Variants in LHX1 observed in about 807,000 individuals in gnomAD.
LHX1 encodes the protein LIM/homeobox protein Lhx1.
A neutral mutation model predicts 34.1 loss-of-function variants in LHX1; 9 were observed. The ratio of observed to expected loss-of-function variants is 0.26; its 90% CI spans 0.16 to 0.46. The LOEUF is 0.46. LHX1 is among the 20% of genes least tolerant of loss of function. The pLI, the probability that LHX1 is intolerant of heterozygous loss-of-function variation, is 1.00. For missense variants in LHX1, 446 were observed against 559.1 expected, an observed-to-expected ratio of 0.80 and a Z score of 2.04; for synonymous variants, 254 against 241.5, an observed-to-expected ratio of 1.05 and a Z score of -0.48.
In LHX1 at chr17:36,940,427, A is replaced by T. The variant is rs777925266; in HGVS notation, c.308A>T (p.Glu103Val). The change falls in exon 2 of 5, where the codon GAA (glutamate) becomes GTA (valine). Residue 103 changes from glutamate to valine, a missense_variant. By Grantham distance (121) the Glu-to-Val change is moderately radical (BLOSUM62 -2). Transcript: ENST00000614239. ...MCNKQLSTGE[E>V]LYIIDENKFV... is the part of the protein sequence containing the mutation. ...AACAAGCAGCTCTCCACTGGCGAGG[A>T]ACTCTACATCATCGACGAGAATAAG... is the stretch of plus-strand genomic sequence containing the variant. The T allele has an allele frequency of 6.2e-7, 1 of 1,614,168 alleles. No homozygotes were observed. Among genetic ancestry groups the T allele is most frequent in the Non-Finnish European group, 8.5e-7 (1 of 1,180,044 alleles).
chr17:36,940,924 C>A, intron 3 of LHX1, 37 bp downstream of exon 3: 1 of 1,549,284 alleles, frequency 6.5e-7, no homozygotes, highest in Non-Finnish European at 8.7e-7. Context: ...CCACAGAGGC[C>A]CACACTGCCA....
Position 36,943,174 on chromosome 17 carries a change from T to C in LHX1, c.*43T>C, listed in dbSNP as rs1393822554. ...TGCGGAGTTCGTGGTTGTACAGAAA[T>C]GAACCTTTATTTAAGAAAAATAGAA... On this transcript the variant is annotated 3_prime_UTR_variant, in exon 5 of 5. Transcript: ENST00000614239. 11 of 1,565,026 alleles carry C rather than the reference T, an allele frequency of 7.0e-6. No individual in the cohort carries two copies. Among genetic ancestry groups the C allele is most frequent in the East Asian group, 2.3e-5 (1 of 43,252 alleles).
Position 36,937,534 on chromosome 17 carries a change from T to C in LHX1, c.-664T>C. The C allele has an allele frequency of 3.2e-6, 1 of 308,010 alleles. No individual in the cohort carries two copies. The highest frequency in any genetic ancestry group is 6.4e-6 in the Non-Finnish European group (1 of 156,952). The allele number at this position is 308,010 out of a possible 1,614,324, so 19.1% of individuals were successfully genotyped here. ...TCTCCCGCGGTCGGCCCTCGCCCCC[T>C]CCCCCAGGCCCAGCGCGGGCGCTCG... On this transcript the variant is annotated 5_prime_UTR_variant, in exon 1 of 5. Coordinates refer to ENST00000614239, the MANE Select transcript of LHX1 (RefSeq NM_005568.5).
In LHX1 at chr17:36,943,085, A is replaced by G. The variant is rs141144953; in HGVS notation, c.1175A>G (p.Asn392Ser). The change falls in exon 5 of 5, where the codon AAC (asparagine) becomes AGC (serine). Residue 392 changes from asparagine (N) to serine (S), a missense_variant. By Grantham distance (46) the Asn-to-Ser change is conservative (BLOSUM62 1). Coordinates refer to ENST00000614239, the MANE Select transcript of LHX1 (RefSeq NM_005568.5). The stretch of plus-strand genomic sequence containing the variant: ...GTCAACGGTGGGGCGAGCTACGGAA[A>G]CCACCTGTCCCACCCCCCCGAAATG... ...LSVNGGASYGNHLSHPPEMNE... is the reference protein window; with the variant it reads ...LSVNGGASYGSHLSHPPEMNE... 87 of 1,611,210 alleles carry G rather than the reference A, an allele frequency of 5.4e-5. 1 individual carries two copies. Among genetic ancestry groups the G allele is most frequent in the Middle Eastern group, 3.3e-4 (2 of 6,078 alleles).
In LHX1 at chr17:36,937,785, C is replaced by A; in HGVS notation, c.-413C>A. On this transcript the variant is annotated 5_prime_UTR_variant, in exon 1 of 5. Coordinates refer to ENST00000614239, the MANE Select transcript of LHX1 (RefSeq NM_005568.5). ...ACTCAGCGGCGCTTTCCTCGCAACCCGAGCTCGGCGAGTCGTCGTCTTCTT... is the reference window on the plus strand; with the variant it reads ...ACTCAGCGGCGCTTTCCTCGCAACCAGAGCTCGGCGAGTCGTCGTCTTCTT... The A allele has an allele frequency of 2.1e-6, 1 of 475,638 alleles. No individual in the cohort carries two copies. The highest frequency in any genetic ancestry group is 4.2e-6 in the Non-Finnish European group (1 of 240,564). 29.5% of individuals were successfully genotyped at this position (475,638 alleles called of 1,614,324 possible). A position where few individuals can be genotyped will look rare whatever the true frequency, so the allele number is the denominator to read the frequency against.
chr17:36,940,065 C>G (rs1191516391), intron 1 of LHX1: 4 of 603,110 alleles, frequency 6.6e-6, no homozygotes, highest in Non-Finnish European at 1.2e-5. Context: ...CTAACTCTTC[C>G]CTGGTGCCGC....
At position 36,940,630 on chromosome 17, in the gene LHX1, A is replaced by G. The variant is rs2070758847; in HGVS notation, c.418A>G (p.Ser140Gly). ...CTTAGCCACCACGGGCAGTGACCCC[A>G]GTTTGTCTCCGGATTCCCAAGACCC... ...LHSATTGSDP[S>G]LSPDSQDPSQ... Residue 140 changes from serine to glycine, a missense_variant, in exon 3 of 5, where the codon AGT becomes GGT. By Grantham distance (56) the Ser-to-Gly change is moderately conservative (BLOSUM62 0). Around this residue, in one of 3 missense-constraint regions of LHX1, gnomAD observed 168 missense variants for 226.6 expected, o/e 0.74. Transcript: ENST00000614239. The G allele has an allele frequency of 1.9e-6, 3 of 1,613,818 alleles. No homozygotes were observed. The highest frequency in any genetic ancestry group is 2.2e-5 in the East Asian group (1 of 44,876).
intron 3 of LHX1, chr17:36,941,157 T>C (rs2070762941): frequency 1.4e-6 from 1 of 702,726 alleles, no homozygotes; most frequent in Admixed American, 2.0e-5. Flanking sequence ...AGGAGAACTG[T>C]TGAACACTCT....
At chr17:36,941,249 C>T (rs2070763517) in intron 3 of LHX1, 1 of 516,702 alleles carries the variant, frequency 1.9e-6, no homozygotes, top group Admixed American at 2.6e-5. Context: ...CAGTGTCCCC[C>T]AGAGTCAATC....
rs372137646 is a variant in LHX1 at position 36,942,774 on chromosome 17, G to T, written c.864G>T (p.Gly288=). The change falls in exon 5 of 5, where the codon GGG becomes GGT. Residue 288 remains glycine (G), a synonymous_variant. Coordinates refer to ENST00000614239, the MANE Select transcript of LHX1 (RefSeq NM_005568.5). ...FYGDYQSEYY[G]PGGNYDFFPQ... is the part of the protein sequence containing the mutation. ...CAGATTACCAGAGCGAGTACTACGG[G>T]CCCGGGGGCAACTACGACTTCTTCC... 21 of 1,539,664 alleles carry T rather than the reference G, an allele frequency of 1.4e-5. No homozygotes were observed. The highest frequency in any genetic ancestry group is 1.6e-5 in the Non-Finnish European group (18 of 1,139,854).
intron 3 of LHX1, 115 bp downstream of exon 3, chr17:36,941,002 G>A (rs1288394285): frequency 6.7e-7 from 1 of 1,483,462 alleles, no homozygotes. Flanking sequence ...GAGTCCAGAG[G>A]TGGGGTGCCT....
intron 1 of LHX1, chr17:36,939,996 T>A: frequency 1.8e-6 from 1 of 570,624 alleles, no homozygotes; most frequent in East Asian, 2.9e-5. Flanking sequence ...ACGCTGGGAG[T>A]GAGGCTGGGG....
intron 3 of LHX1, chr17:36,941,383 C>T: frequency 2.9e-6 from 1 of 342,288 alleles, no homozygotes; most frequent in Non-Finnish European, 5.8e-6. Context: ...GGTGGTTCCG[C>T]CGGGAGTCAG....
rs546431487 is a variant in LHX1, at chr17:36,943,573, C to G, written c.*442C>G. 363 of 162,704 alleles carry G rather than the reference C, an allele frequency of 2.2e-3. No homozygotes were observed. The highest frequency in any genetic ancestry group is 8.2e-3 in the African/African-American group (346 of 41,942). The allele number at this position is 162,704 out of a possible 1,614,324, so 10.1% of individuals were successfully genotyped here. On this transcript the variant is annotated 3_prime_UTR_variant, in exon 5 of 5. Transcript: ENST00000614239. Reference sequence around the variant, plus strand: ...AGGAAGTGAAGCGGCCCAGGGCGCTCCCGGGCCAGCCAGGAGGGTTCTAGC... The same window carrying G: ...AGGAAGTGAAGCGGCCCAGGGCGCTGCCGGGCCAGCCAGGAGGGTTCTAGC...
intron 3 of LHX1, 115 bp from the exon 4 acceptor site, chr17:36,942,083 AAG>A: frequency 5.8e-6 from 6 of 1,026,140 alleles, no homozygotes; most frequent in Non-Finnish European, 8.6e-6. Flanking sequence ...ACACACACAC[AAG>A]CGCGCGCGCG....
In LHX1 at chr17:36,943,502, G is replaced by C. The variant is rs1031186783; in HGVS notation, c.*371G>C. On this transcript the variant is annotated 3_prime_UTR_variant, in exon 5 of 5. Transcript: ENST00000614239. ...GCCGCGGGTGCGCACAGCCGTTGGC[G>C]ATGCCAGGAGCCGTGGGGAGGGAGG... The C allele has an allele frequency of 1.6e-4, 34 of 214,280 alleles. No homozygotes were observed. Among genetic ancestry groups the C allele is most frequent in the Non-Finnish European group, 2.8e-4 (30 of 108,982 alleles). The allele number at this position is 214,280 out of a possible 1,614,324, so 13.3% of individuals were successfully genotyped here.
intron 1 of LHX1, 34 bp downstream of exon 1, chr17:36,938,401 CTCCCCGCGGGCCCT>C (rs746574679): frequency 6.2e-7 from 1 of 1,608,358 alleles, no homozygotes; most frequent in Non-Finnish European, 8.5e-7. Context: ...CTGCTGCTAC[CTCCCCGCGGGCCCT>C]TCCCGGCCAG....
chr17:36,938,250 A>G lies in LHX1; in HGVS notation c.53A>G (p.Asn18Ser). The G allele has an allele frequency of 6.2e-7, 1 of 1,614,076 alleles. No individual in the cohort carries two copies. Among genetic ancestry groups the G allele is most frequent in the Middle Eastern group, 1.7e-4 (1 of 6,060 alleles). Reference protein sequence around the residue: ...KRPILDRFLLNVLDRAWHVKC... With the variant: ...KRPILDRFLLSVLDRAWHVKC... ...CCCATCCTGGACCGCTTTCTCTTGAACGTGCTGGACAGGGCCTGGCACGTC... is the reference window on the plus strand; with the variant it reads ...CCCATCCTGGACCGCTTTCTCTTGAGCGTGCTGGACAGGGCCTGGCACGTC... Residue 18 changes from asparagine (N) to serine (S), a missense_variant, in exon 1 of 5, where the codon AAC becomes AGC. By Grantham distance (46) the Asn-to-Ser change is conservative. Coordinates refer to ENST00000614239, the MANE Select transcript of LHX1 (RefSeq NM_005568.5).
At chr17:36,938,616 C>T (rs2070745034) in intron 1 of LHX1, 2 of 598,066 alleles carry the variant, frequency 3.3e-6, no homozygotes, top group East Asian at 2.8e-5. Flanking sequence ...GGGTCTGAGC[C>T]TGACTCGGCC....
Sources: allele counts gnomAD v4.1 joint callset, GRCh38; gene constraint gnomAD v4.1.1; regional missense constraint gnomAD v4.1.1; transcripts MANE v1.5; gene names NCBI Gene and HGNC (gene_info 2026-07-23, HGNC 2026-07-21).